The following FAT2 variants were observed in gnomAD, a reference collection of about 807,000 sequenced individuals.
FAT2 encodes protocadherin Fat 2.
A neutral mutation model predicts 295.3 loss-of-function variants in FAT2; 150 were observed. That is an observed-to-expected ratio of 0.51 (90% CI 0.44 to 0.58). FAT2 has a LOEUF of 0.58. FAT2 is among the 20% of genes least tolerant of loss of function. The pLI is 0.00. For missense variants in FAT2, 4,868 were observed against 5,442.7 expected, an observed-to-expected ratio of 0.89 and a Z score of 3.32; for synonymous variants, 2,026 against 2,150.3, an observed-to-expected ratio of 0.94 and a Z score of 1.60.
intron 15 of FAT2, among the ~76,000 whole-genome samples, 160 bp from the exon 16 acceptor site, chr5:151,528,293 C>T (rs894786638): frequency 3.9e-5 from 6 of 152,176 alleles, no homozygotes; most frequent in East Asian, 3.9e-4. Context: ...CTTACATCCT[C>T]GTGTGGACTT....
chr5:151,543,448 C>T lies in FAT2; in HGVS notation c.7679G>A (p.Arg2560Gln), dbSNP rs766573344. The change falls in exon 10 of 24, where the codon CGG becomes CAG. Residue 2560 changes from arginine to glutamine, a missense_variant. Physicochemically the swap from Arg to Gln is conservative, Grantham distance 43 (BLOSUM62 1). Coordinates refer to ENST00000261800, the MANE Select transcript of FAT2 (RefSeq NM_001447.3). ...GAAGGCTACTCTTCCTCCTCCATCC[C>T]GAGCCATGACCTTAATAGCAATGAC... Reference protein sequence around the residue: ...ERVIAIKVMARDGGGRVAFCT... With the variant: ...ERVIAIKVMAQDGGGRVAFCT... The T allele has an allele frequency of 8.7e-5, 140 of 1,614,008 alleles. No individual in the cohort carries two copies. The highest frequency in any genetic ancestry group is 1.1e-4 in the Non-Finnish European group (128 of 1,180,036).
Position 151,507,147 on chromosome 5 carries a change from T to G in FAT2, c.12517+7A>C. 3.8e-6 allele frequency: 6 copies of G among 1,570,092 alleles called. No homozygotes were observed. The South Asian group carries it at 7.3e-5, about 19-fold the overall frequency. ...CCCAGAGGCTAAGCGTCTCTGGCTA[T>G]ACTGACCCATCTCCTCGCTGGACCA... On this transcript the variant is annotated splice_region_variant and intron_variant, in intron 23 of 23. Transcript: ENST00000261800.
At chr5:151,552,885 C>A (rs1239687629) in intron 6 of FAT2, among the ~76,000 whole-genome samples, 5 of 152,232 alleles carry the variant, frequency 3.3e-5, no homozygotes, top group Non-Finnish European at 7.3e-5. Flanking sequence ...TGCTCTGGGT[C>A]TTCCTGAACC....
At position 151,525,780 on chromosome 5, in the gene FAT2, C is replaced by T. The variant is rs1052079171; in HGVS notation, c.10494G>A (p.Gln3498=). The T allele has an allele frequency of 3.1e-6, 5 of 1,614,186 alleles. No individual in the cohort carries two copies. The highest frequency in any genetic ancestry group is 4.2e-6 in the Non-Finnish European group (5 of 1,180,034). The change falls in exon 18 of 24, where the codon CAG becomes CAA. Residue 3498 remains glutamine (Q), a synonymous_variant. Transcript: ENST00000261800. ...GCACAGCTCTCACCTGGATCTGAAG[C>T]TGATACCATTCCTGAGCCCTCCTGC... is the stretch of plus-strand genomic sequence containing the variant. ...GLSRRAQEWY[Q]LQIQASDSGI... is the part of the protein sequence containing the mutation.
At chr5:151,565,647 A>AGCCC in intron 2 of FAT2, 26 bp downstream of exon 2, 20 of 1,461,018 alleles carry the variant, frequency 1.4e-5, no homozygotes, top group East Asian at 4.9e-5. Flanking sequence ...TGGCCCTGGC[A>AGCCC]CCCCACCCTA....
chr5:151,540,038 TAGTG>T (rs916271182), intron 11 of FAT2, among the ~76,000 whole-genome samples: 1 of 152,212 alleles, frequency 6.6e-6, no homozygotes, highest in African/African-American at 2.4e-5. Context: ...TATTTGATAA[TAGTG>T]AGCCATGTCA....
chr5:151,559,595 G>C (rs1051915448), intron 3 of FAT2, among the ~76,000 whole-genome samples: 3 of 151,390 alleles, frequency 2.0e-5, no homozygotes, highest in Admixed American at 2.0e-4. Context: ...CTCTCTTCCA[G>C]CTCTTCCTCT....
chr5:151,568,194 C>T lies in FAT2; in HGVS notation c.738G>A (p.Val246=). ...FGSLAALVVH[V]EPALRKPPAI... ...CTGGGGGCTTCCTGAGGGCAGGCTC[C>T]ACATGAACCACAAGTGCAGCCAGGC... Residue 246 remains valine, a synonymous_variant, in exon 2 of 24, where the codon GTG becomes GTA. Coordinates refer to ENST00000261800, the MANE Select transcript of FAT2 (RefSeq NM_001447.3). 6.2e-7 allele frequency: 1 copy of T among 1,613,988 alleles called. No homozygotes were observed.
chr5:151,545,508 T>G lies in FAT2; in HGVS notation c.5619A>C (p.Ser1873=). ...CTATTGCTACCTCATATATCTGTTC[T>G]GAGAATCTGGGAGGGGAATCATTCA... ...RDVNDSPPRF[S]EQIYEVAIVG... The change falls in exon 10 of 24, where the codon TCA becomes TCC. Residue 1873 remains serine (S), a synonymous_variant. Transcript: ENST00000261800. The G allele has an allele frequency of 6.2e-7, 1 of 1,614,142 alleles. No homozygotes were observed. Among genetic ancestry groups the G allele is most frequent in the Non-Finnish European group, 8.5e-7 (1 of 1,179,982 alleles).
At position 151,505,371 on chromosome 5, in the gene FAT2, T is replaced by A. The variant is rs939481278; in HGVS notation, c.*194A>T. On this transcript the variant is annotated 3_prime_UTR_variant, in exon 24 of 24. Coordinates refer to ENST00000261800, the MANE Select transcript of FAT2 (RefSeq NM_001447.3). ...GGGACCCTAGTGCTGTTTCTGGAGC[T>A]CTATCCTCAGCTTCCCTCCACCCTC... The A allele has an allele frequency of 6.1e-6, 4 of 660,354 alleles. No homozygotes were observed. The Admixed American group carries it at 1.2e-4, about 20-fold the overall frequency. 40.9% of individuals were successfully genotyped at this position (660,354 alleles called of 1,614,324 possible).
At chr5:151,539,702 A>C (rs977843143) in intron 11 of FAT2, among the ~76,000 whole-genome samples, 1 of 152,226 alleles carries the variant, frequency 6.6e-6, no homozygotes, top group Non-Finnish European at 1.5e-5. Context: ...GTTAAAAACT[A>C]CTTACTGTGT....
At chr5:151,510,348 C>T (rs1761225873) in intron 21 of FAT2, 174 bp from the exon 22 acceptor site, 1 of 647,664 alleles carries the variant, frequency 1.5e-6, no homozygotes, top group East Asian at 2.8e-5. Context: ...ACCAAGAGCA[C>T]TTTGGTCCCT....
In FAT2 at chr5:151,531,412, A is replaced by G. The variant is rs182459448; in HGVS notation, c.9811+175T>C. ...GGAGGCTCCCACATAAGCTGGCCCC[A>G]GGGTGGAAGGAGGGACCTGGTACTC... On this transcript the variant is annotated intron_variant, in intron 14 of 23. Transcript: ENST00000261800. The surrounding 1 kb of genome is among the most constrained non-coding windows in gnomAD (Gnocchi z 5.7). Among the ~76,000 whole-genome samples, 12 of 152,190 alleles carry G rather than the reference A, an allele frequency of 7.9e-5. No individual in the cohort carries two copies. Among genetic ancestry groups the G allele is most frequent in the Admixed American group, 7.8e-4 (12 of 15,296 alleles).
intron 13 of FAT2, 109 bp from the exon 14 acceptor site, chr5:151,532,079 C>A: frequency 7.0e-7 from 1 of 1,423,632 alleles, no homozygotes; most frequent in East Asian, 2.3e-5. Flanking sequence ...CCCATGAAGG[C>A]GGACAAGCTG....
intron 13 of FAT2, among the ~76,000 whole-genome samples, chr5:151,533,007 C>G (rs1345252502): frequency 6.6e-6 from 1 of 152,190 alleles, no homozygotes; most frequent in African/African-American, 2.4e-5. Flanking sequence ...CTGGTCAAAC[C>G]ACACCTGGAT....
Position 151,538,031 on chromosome 5 carries a change from C to T in FAT2, c.9040-85G>A, listed in dbSNP as rs1755651843. The T allele has an allele frequency of 1.8e-5, 22 of 1,241,742 alleles. No individual in the cohort carries two copies. In the South Asian group the frequency reaches 2.5e-4, roughly 14 times the overall value. 76.9% of individuals were successfully genotyped at this position (1,241,742 alleles called of 1,614,324 possible). On this transcript the variant is annotated intron_variant, in intron 11 of 23. Transcript: ENST00000261800. ...AAGCAGAGTGACTGACTGAGGGAGGCAGAAGCAGAAAGAGAGACACTAAGA... is the reference window on the plus strand; with the variant it reads ...AAGCAGAGTGACTGACTGAGGGAGGTAGAAGCAGAAAGAGAGACACTAAGA...
intron 1 of FAT2, among the ~76,000 whole-genome samples, chr5:151,572,027 C>T (rs1419409185): frequency 6.6e-6 from 1 of 152,216 alleles, no homozygotes; most frequent in Non-Finnish European, 1.5e-5. Flanking sequence ...ATAATTCCTT[C>T]TTGTCATTCA....
At chr5:151,570,128 G>C (rs1379723407) in intron 1 of FAT2, among the ~76,000 whole-genome samples, 1 of 152,218 alleles carries the variant, frequency 6.6e-6, no homozygotes, top group African/African-American at 2.4e-5. Context: ...AGGAAACTAA[G>C]GTTCATAAAA....
At chr5:151,591,584 A>G (rs1759408706), upstream of FAT2, among the ~76,000 whole-genome samples, 1 of 152,302 alleles carries the variant, frequency 6.6e-6, no homozygotes, top group South Asian at 2.1e-4. Flanking sequence ...CAGGTCACAC[A>G]GTCACACAGA....
Sources: gnomAD v4.1 joint callset for allele counts (sites outside exome capture counted in the v4.1 genomes callset) on GRCh38, gnomAD v4.1.1 for gene constraint, Gnocchi (gnomAD v3.1) non-coding constraint, MANE v1.5 for transcripts, NCBI Gene and HGNC (gene_info 2026-07-23, HGNC 2026-07-21) for gene names.